CYTH3: variants seen among roughly 807,000 people sequenced by gnomAD.
CYTH3 encodes cytohesin 3, also known as cytohesin-3.
In CYTH3, 23 loss-of-function variants were observed where a neutral mutation model predicts 55.1. That is an observed-to-expected ratio of 0.42 (90% CI 0.30 to 0.59). CYTH3 has a LOEUF of 0.59. CYTH3 is among the 20% of genes least tolerant of loss of function. CYTH3 has a pLI of 0.20. For synonymous variants in CYTH3, 249 were observed against 194.9 expected (o/e 1.28, Z -2.31); for missense variants, 413 against 524.8 (o/e 0.79, Z 2.08).
At chr7:6,179,880 CACACACCA>C (rs1247595697) in intron 4 of CYTH3, among the ~76,000 whole-genome samples, 1 of 146,750 alleles carries the variant, frequency 6.8e-6, no homozygotes, top group African/African-American at 2.5e-5. Context: ...ACACACACCA[CACACACCA>C]CACACACCCA....
chr7:6,215,155 T>A (rs935691108), intron 1 of CYTH3, among the ~76,000 whole-genome samples: 1 of 151,924 alleles, frequency 6.6e-6, no homozygotes, highest in African/African-American at 2.4e-5. Context: ...CACATGAGAG[T>A]TGACAAGGAA....
intron 1 of CYTH3, among the ~76,000 whole-genome samples, chr7:6,254,018 A>T (rs1356864000): frequency 2.0e-5 from 3 of 148,686 alleles, no homozygotes; most frequent in African/African-American, 5.0e-5. Flanking sequence ...TAAATAAAAT[A>T]AAAAATAAAG....
chr7:6,264,988 C>T (rs192308310), intron 1 of CYTH3, among the ~76,000 whole-genome samples: 116 of 152,288 alleles, frequency 7.6e-4, no homozygotes, highest in Middle Eastern at 3.4e-3. Context: ...GATAAGGAAA[C>T]ATTTGAGCAC....
intron 1 of CYTH3, among the ~76,000 whole-genome samples, chr7:6,269,395 G>C (rs1456052325): frequency 6.6e-6 from 1 of 152,102 alleles, no homozygotes; most frequent in Admixed American, 6.5e-5. Flanking sequence ...TATGAACAAG[G>C]CTCAGCATCT....
At chr7:6,224,420 T>C (rs745554973) in intron 1 of CYTH3, among the ~76,000 whole-genome samples, 7 of 152,080 alleles carry the variant, frequency 4.6e-5, no homozygotes, top group African/African-American at 1.7e-4. Context: ...CAAATGGTGC[T>C]GGGACAACTG....
intron 1 of CYTH3, among the ~76,000 whole-genome samples, chr7:6,207,214 C>T (rs1003582739): frequency 2.0e-5 from 3 of 151,016 alleles, no homozygotes; most frequent in Non-Finnish European, 4.4e-5. Flanking sequence ...CCTGCCTCAG[C>T]CTCCCGAGTA....
chr7:6,197,288 A>G (rs1268340869), intron 1 of CYTH3, among the ~76,000 whole-genome samples: 1 of 152,232 alleles, frequency 6.6e-6, no homozygotes, highest in East Asian at 1.9e-4. Flanking sequence ...GGACAAAGAC[A>G]TGGTGGCTGT....
chr7:6,255,761 T>TTTG (rs1324428892), intron 1 of CYTH3, among the ~76,000 whole-genome samples: 2 of 139,128 alleles, frequency 1.4e-5, no homozygotes, highest in African/African-American at 5.6e-5. Context: ...TTAATCTGTT[T>TTTG]TTTTTTTTTT....
At chr7:6,190,061 C>CA (rs1424375122) in intron 2 of CYTH3, among the ~76,000 whole-genome samples, 4 of 151,956 alleles carry the variant, frequency 2.6e-5, no homozygotes, top group African/African-American at 4.8e-5. Context: ...AAAAAACAAA[C>CA]AAAAAAACAT....
chr7:6,222,973 A>C (rs925182061), intron 1 of CYTH3, among the ~76,000 whole-genome samples: 3 of 152,250 alleles, frequency 2.0e-5, no homozygotes, highest in African/African-American at 7.2e-5. Context: ...TGTAAAGTGA[A>C]CTAAACACTT....
Position 6,255,481 on chromosome 7 carries a change from T to G in CYTH3, c.34+16993A>C, listed in dbSNP as rs539444027. Among the ~76,000 whole-genome samples the G allele has an allele frequency of 3.9e-5, 6 of 152,192 alleles. No individual in the cohort carries two copies. The South Asian group carries it at 6.2e-4, about 16-fold the overall frequency. On this transcript the variant is annotated intron_variant, in intron 1 of 12. Transcript: ENST00000350796. The stretch of plus-strand genomic sequence containing the variant: ...CCAATCCCACAGGACTAAGACTATT[T>G]AGGAAGGAATGGCTACATAGTTATC...
chr7:6,209,580 C>G (rs534696482), intron 1 of CYTH3, among the ~76,000 whole-genome samples: 13 of 152,300 alleles, frequency 8.5e-5, no homozygotes, highest in African/African-American at 2.9e-4. Flanking sequence ...AGCTCAACAG[C>G]CTTACAATAC....
intron 1 of CYTH3, among the ~76,000 whole-genome samples, chr7:6,232,969 G>A (rs902389170): frequency 1.3e-5 from 2 of 152,072 alleles, no homozygotes; most frequent in Non-Finnish European, 2.9e-5. Context: ...CTGCCCCTTG[G>A]CTCAGTTGAA....
chr7:6,258,897 G>C (rs967005524), intron 1 of CYTH3, among the ~76,000 whole-genome samples: 3 of 152,244 alleles, frequency 2.0e-5, no homozygotes, highest in Admixed American at 1.3e-4. Flanking sequence ...TGGTTTTACA[G>C]AATCTCCAGA....
intron 1 of CYTH3, among the ~76,000 whole-genome samples, chr7:6,263,701 G>A (rs1027590234): frequency 3.3e-5 from 5 of 151,968 alleles, no homozygotes; most frequent in Non-Finnish European, 7.4e-5. Flanking sequence ...AAGTGGTTAA[G>A]GCAGAAGAAT....
intron 5 of CYTH3, among the ~76,000 whole-genome samples, chr7:6,175,687 A>G (rs890099426): frequency 1.3e-5 from 2 of 150,382 alleles, no homozygotes; most frequent in African/African-American, 4.9e-5. Context: ...GGCTGGGATT[A>G]TAGACACCTG....
At chr7:6,236,766 T>G (rs536766021) in intron 1 of CYTH3, among the ~76,000 whole-genome samples, 2 of 152,208 alleles carry the variant, frequency 1.3e-5, no homozygotes, top group East Asian at 3.9e-4. Context: ...TTTCACCATG[T>G]TGGCTAGGCT....
In CYTH3 at chr7:6,171,011, G is replaced by C; in HGVS notation, c.563-33C>G. On this transcript the variant is annotated intron_variant, in intron 7 of 12. Transcript: ENST00000350796. This position sits in a 1 kb window ranked among gnomAD's most constrained non-coding sequence, Gnocchi z 6.7. The stretch of plus-strand genomic sequence containing the variant: ...GAGTCCGGGGTGCTGGGCTCAGCCA[G>C]AACCTCCAGTGGACAGTGGGACCCC... The C allele has an allele frequency of 3.1e-6, 5 of 1,612,286 alleles. No individual in the cohort carries two copies. Among genetic ancestry groups the C allele is most frequent in the Non-Finnish European group, 4.2e-6 (5 of 1,179,520 alleles).
intron 1 of CYTH3, among the ~76,000 whole-genome samples, chr7:6,263,942 A>G (rs897219964): frequency 6.7e-6 from 1 of 150,178 alleles, no homozygotes; most frequent in African/African-American, 2.5e-5. Context: ...TCTCGGCTTT[A>G]TAATCTTTTT....
Sources: gnomAD v4.1 joint callset for allele counts (sites outside exome capture counted in the v4.1 genomes callset) on GRCh38, gnomAD v4.1.1 for gene constraint, Gnocchi (gnomAD v3.1) non-coding constraint, MANE v1.5 for transcripts, NCBI Gene and HGNC (gene_info 2026-07-23, HGNC 2026-07-21) for gene names.